The following TMPPE variants were observed in gnomAD, a reference collection of about 807,000 sequenced individuals.
The protein encoded by TMPPE is transmembrane protein with metallophosphoesterase domain.
Under a neutral mutation model 22.6 loss-of-function variants are expected in TMPPE, and 16 were observed. The ratio of observed to expected loss-of-function variants is 0.71; its 90% CI spans 0.48 to 1.08. The LOEUF is 1.08. Among genes scored for constraint, TMPPE ranks in the 50% least tolerant of loss-of-function variants. The probability of loss-of-function intolerance (pLI) is 0.00; values close to 1 mark genes in which losing one functional copy is unlikely to be tolerated. For missense variants in TMPPE, 526 were observed against 584.3 expected (o/e 0.90, Z 1.03); for synonymous variants, 240 against 245.3 (o/e 0.98, Z 0.20).
At position 33,091,750 on chromosome 3, in the gene TMPPE, G is replaced by T. The variant is rs1412829812; in HGVS notation, c.*1084C>A. 1.0e-6 allele frequency: 1 copy of T among 985,304 alleles called. No homozygotes were observed. Among genetic ancestry groups the T allele is most frequent in the African/African-American group, 1.7e-5 (1 of 57,204 alleles). 61.0% of individuals were successfully genotyped at this position (985,304 alleles called of 1,614,324 possible). ...AGCAGGGTTAGCCTCTCCAGTCAGA[G>T]CGAGTGTCTTCACTCCCCATTGGAG... On this transcript the variant is annotated 3_prime_UTR_variant, in exon 2 of 2. Transcript: ENST00000342462.
rs781534268 is a variant in TMPPE, at chr3:33,093,633, G to A, written c.563C>T (p.Pro188Leu). The change falls in exon 2 of 2, where the codon CCG (proline) becomes CTG (leucine). Residue 188 changes from proline (P) to leucine (L), a missense_variant. Physicochemically the swap from Pro to Leu is moderately conservative, Grantham distance 98 (BLOSUM62 -3). Coordinates refer to ENST00000342462, the MANE Select transcript of TMPPE (RefSeq NM_001039770.3). The surrounding 1 kb of genome is among the most constrained non-coding windows in gnomAD (Gnocchi z 6.0). ...GGGCACCTCCACAGTTTTCACAGCCGGGGGCTGCGCGGCATTCAGAATCCC... is the reference window on the plus strand; with the variant it reads ...GGGCACCTCCACAGTTTTCACAGCCAGGGGCTGCGCGGCATTCAGAATCCC... ...VAGILNAAQP[P>L]AVKTVEVPIH... 1.4e-5 allele frequency: 22 copies of A among 1,613,986 alleles called. No homozygotes were observed. Among genetic ancestry groups the A allele is most frequent in the South Asian group, 2.2e-5 (2 of 91,080 alleles).
In TMPPE at chr3:33,096,905, C is replaced by G; in HGVS notation, c.-295G>C. ...GCCTGCTGGGGGGCACTTCGGGGCT[C>G]AGGCTCCCCGCCCTGCGGGACCGCG... is the stretch of plus-strand genomic sequence containing the variant. On this transcript the variant is annotated 5_prime_UTR_variant, in exon 1 of 2. Coordinates refer to ENST00000342462, the MANE Select transcript of TMPPE (RefSeq NM_001039770.3). The G allele has an allele frequency of 1.3e-6, 2 of 1,515,396 alleles. No homozygotes were observed. The highest frequency in any genetic ancestry group is 1.8e-6 in the Non-Finnish European group (2 of 1,130,362). The allele number at this position is 1,515,396 out of a possible 1,614,324, so 93.9% of individuals were successfully genotyped here. A position where few individuals can be genotyped will look rare whatever the true frequency, so the allele number is the denominator to read the frequency against.
At chr3:33,094,896 ATTTCTTAACAAATAG>A (rs1700943403) in intron 1 of TMPPE, among the ~76,000 whole-genome samples, 1 of 152,238 alleles carries the variant, frequency 6.6e-6, no homozygotes, top group African/African-American at 2.4e-5. Flanking sequence ...ATGATGTAGT[ATTTCTTAACAAATAG>A]TTTAAAATAT....
chr3:33,096,573 G>C, intron 1 of TMPPE, 146 bp downstream of exon 1: 1 of 1,029,068 alleles, frequency 9.7e-7, no homozygotes, highest in Non-Finnish European at 1.2e-6. Flanking sequence ...GGCCTCTCCT[G>C]ACCCCATTTT....
At position 33,094,003 on chromosome 3, in the gene TMPPE, G is replaced by A. The variant is rs761290773; in HGVS notation, c.193C>T (p.Arg65Cys). Residue 65 changes from arginine to cysteine, a missense_variant, in exon 2 of 2, where the codon CGC (arginine) becomes TGC (cysteine). Transcript: ENST00000342462. ...LLLIGSLYIWRSTVSNLCHSP... is the reference protein window; with the variant it reads ...LLLIGSLYIWCSTVSNLCHSP... ...TGGCAGAGGTTGCTCACTGTGCTGCGCCAAATGTAGAGGGAGCCAATGAGC... is the reference window on the plus strand; with the variant it reads ...TGGCAGAGGTTGCTCACTGTGCTGCACCAAATGTAGAGGGAGCCAATGAGC... 3.7e-6 allele frequency: 6 copies of A among 1,614,126 alleles called. No homozygotes were observed. The highest frequency in any genetic ancestry group is 4.5e-5 in the East Asian group (2 of 44,880).
chr3:33,094,815 AACTC>A (rs1700936744), intron 1 of TMPPE, among the ~76,000 whole-genome samples: 1 of 152,244 alleles, frequency 6.6e-6, no homozygotes. Flanking sequence ...AAAACAGTGC[AACTC>A]TTCACCCTAA....
chr3:33,092,206 G>C lies in TMPPE; in HGVS notation c.*628C>G, dbSNP rs1457264326. The C allele has an allele frequency of 5.1e-6, 5 of 985,668 alleles. No individual in the cohort carries two copies. The highest frequency in any genetic ancestry group is 1.2e-4 in the Admixed American group (2 of 16,264). The allele number at this position is 985,668 out of a possible 1,614,324, so 61.1% of individuals were successfully genotyped here. ...GCCCAGGAGCACAGACAGTTAAATA[G>C]CATCCCTCAAGGCCTGGAACAGGAG... is the stretch of plus-strand genomic sequence containing the variant. On this transcript the variant is annotated 3_prime_UTR_variant, in exon 2 of 2. Transcript: ENST00000342462.
In TMPPE at chr3:33,096,907, G is replaced by A; in HGVS notation, c.-297C>T. ...CTGCTGGGGGGCACTTCGGGGCTCAGGCTCCCCGCCCTGCGGGACCGCGGG... is the reference window on the plus strand; with the variant it reads ...CTGCTGGGGGGCACTTCGGGGCTCAAGCTCCCCGCCCTGCGGGACCGCGGG... On this transcript the variant is annotated 5_prime_UTR_variant, in exon 1 of 2. Coordinates refer to ENST00000342462, the MANE Select transcript of TMPPE (RefSeq NM_001039770.3). The A allele has an allele frequency of 6.6e-7, 1 of 1,518,976 alleles. No individual in the cohort carries two copies. Among genetic ancestry groups the A allele is most frequent in the East Asian group, 2.7e-5 (1 of 37,124 alleles). The allele number at this position is 1,518,976 out of a possible 1,614,324, so 94.1% of individuals were successfully genotyped here. A position where few individuals can be genotyped will look rare whatever the true frequency, so the allele number is the denominator to read the frequency against.
intron 1 of TMPPE, among the ~76,000 whole-genome samples, chr3:33,095,155 G>C (rs1700959904): frequency 7.6e-6 from 1 of 131,296 alleles, no homozygotes. Context: ...AAGTTGTAGT[G>C]AGCCAAGATC....
chr3:33,091,399 G>A lies in TMPPE; in HGVS notation c.*1435C>T. The A allele has an allele frequency of 4.1e-6, 4 of 985,508 alleles. No homozygotes were observed. The highest frequency in any genetic ancestry group is 4.8e-6 in the Non-Finnish European group (4 of 830,008). The allele number at this position is 985,508 out of a possible 1,614,324, so 61.0% of individuals were successfully genotyped here. A position where few individuals can be genotyped will look rare whatever the true frequency, so the allele number is the denominator to read the frequency against. On this transcript the variant is annotated 3_prime_UTR_variant, in exon 2 of 2. Coordinates refer to ENST00000342462, the MANE Select transcript of TMPPE (RefSeq NM_001039770.3). ...ATGAGGGAAGGAAGGCAAACCCCTA[G>A]CAGTTGCTGCTTTGACACATCACCT...
At position 33,093,694 on chromosome 3, in the gene TMPPE, G is replaced by C. The variant is rs370221399; in HGVS notation, c.502C>G (p.Leu168Val). The change falls in exon 2 of 2, where the codon CTG becomes GTG. Residue 168 changes from leucine (L) to valine (V), a missense_variant. Transcript: ENST00000342462. This position sits in a 1 kb window ranked among gnomAD's most constrained non-coding sequence, Gnocchi z 6.0. Reference protein sequence around the residue: ...KTRKLVLRPALAVGVTAVLSV... With the variant: ...KTRKLVLRPAVAVGVTAVLSV... ...AGCACAGCAGTCACTCCCACTGCCA[G>C]GGCAGGCCTGAGCACGAGCTTCCTT... 10 of 1,614,072 alleles carry C rather than the reference G, an allele frequency of 6.2e-6. No individual in the cohort carries two copies. The African/African-American group carries it at 1.3e-4, about 22-fold the overall frequency.
At position 33,096,922 on chromosome 3, in the gene TMPPE, G is replaced by A. The variant is rs940894442; in HGVS notation, c.-312C>T. The A allele has an allele frequency of 3.9e-4, 597 of 1,540,202 alleles. 1 individual carries two copies. The highest frequency in any genetic ancestry group is 4.7e-4 in the Non-Finnish European group (542 of 1,143,836). ...TCGGGGCTCAGGCTCCCCGCCCTGC[G>A]GGACCGCGGGTGGCTGCGACCCCAG... On this transcript the variant is annotated 5_prime_UTR_variant, in exon 1 of 2. Coordinates refer to ENST00000342462, the MANE Select transcript of TMPPE (RefSeq NM_001039770.3).
In TMPPE at chr3:33,097,048, A is replaced by G. The variant is rs370546727; in HGVS notation, c.-438T>C. ...CGTAGGGCCCAGAAGCAGCAGAACCAGCAACAGAGGGAGGATGCGAACCAG... is the reference window on the plus strand; with the variant it reads ...CGTAGGGCCCAGAAGCAGCAGAACCGGCAACAGAGGGAGGATGCGAACCAG... On this transcript the variant is annotated 5_prime_UTR_variant, in exon 1 of 2. Transcript: ENST00000342462. 1.9e-6 allele frequency: 3 copies of G among 1,612,034 alleles called. No homozygotes were observed. The highest frequency in any genetic ancestry group is 2.2e-5 in the South Asian group (2 of 90,890).
chr3:33,093,194 C>T lies in TMPPE; in HGVS notation c.1002G>A (p.Val334=). The change falls in exon 2 of 2, where the codon GTG becomes GTA. Residue 334 remains valine, a synonymous_variant. Transcript: ENST00000342462. This position sits in a 1 kb window ranked among gnomAD's most constrained non-coding sequence, Gnocchi z 6.0. ...GCAGGATGTCTGCTTCAATATCGTC[C>T]ACCCCAGCCAAGCAGATCCAGTCCT... ...EDEDWICLAG[V]DDIEADILHY... 1 of 1,613,974 alleles carries T rather than the reference C, an allele frequency of 6.2e-7. No individual in the cohort carries two copies. Among genetic ancestry groups the T allele is most frequent in the Non-Finnish European group, 8.5e-7 (1 of 1,179,964 alleles).
At chr3:33,094,516 G>A (rs1056111056) in intron 1 of TMPPE, among the ~76,000 whole-genome samples, 2 of 152,162 alleles carry the variant, frequency 1.3e-5, no homozygotes, top group Non-Finnish European at 2.9e-5. Context: ...TGTTCTATAC[G>A]TTTAAAGTTT....
chr3:33,092,339 C>A lies in TMPPE; in HGVS notation c.*495G>T. Reference sequence around the variant, plus strand: ...TCTAGCAGCCAGAGGGCCCTTCCATCTTGCCTGTTCTCCCAAATTACCTGG... The same window carrying A: ...TCTAGCAGCCAGAGGGCCCTTCCATATTGCCTGTTCTCCCAAATTACCTGG... On this transcript the variant is annotated 3_prime_UTR_variant, in exon 2 of 2. Coordinates refer to ENST00000342462, the MANE Select transcript of TMPPE (RefSeq NM_001039770.3). 1.0e-6 allele frequency: 1 copy of A among 987,612 alleles called. No individual in the cohort carries two copies. The highest frequency in any genetic ancestry group is 1.2e-6 in the Non-Finnish European group (1 of 831,426). The allele number at this position is 987,612 out of a possible 1,614,324, so 61.2% of individuals were successfully genotyped here.
In TMPPE at chr3:33,093,913, G is replaced by C; in HGVS notation, c.283C>G (p.Leu95Val). The change falls in exon 2 of 2, where the codon CTG becomes GTG. Residue 95 changes from leucine to valine, a missense_variant. Leu to Val is a conservative substitution (Grantham distance 32). Transcript: ENST00000342462. The surrounding 1 kb of genome is among the most constrained non-coding windows in gnomAD (Gnocchi z 6.0). ...WKVVVLAFLALAHSSFFTMFF... is the reference protein window; with the variant it reads ...WKVVVLAFLAVAHSSFFTMFF... ...ATGGTAAAGAAACTGGAATGGGCCA[G>C]GGCCAGAAATGCCAGAACCACCACC... 6.2e-7 allele frequency: 1 copy of C among 1,614,080 alleles called. No homozygotes were observed. Among genetic ancestry groups the C allele is most frequent in the Non-Finnish European group, 8.5e-7 (1 of 1,180,014 alleles).
Position 33,093,539 on chromosome 3 carries a change from G to A in TMPPE, c.657C>T (p.Pro219=). Residue 219 remains proline, a synonymous_variant, in exon 2 of 2, where the codon CCC becomes CCT. Transcript: ENST00000342462. This position sits in a 1 kb window ranked among gnomAD's most constrained non-coding sequence, Gnocchi z 6.0. ...IVLLSDIHLG[P]TVGRTKMEMF... is the part of the protein sequence containing the mutation. ...TTTCCATCTTGGTCCTGCCCACTGT[G>A]GGGCCCAAGTGAATGTCTGAGAGGA... 12 of 1,614,192 alleles carry A rather than the reference G, an allele frequency of 7.4e-6. No individual in the cohort carries two copies. The highest frequency in any genetic ancestry group is 1.0e-5 in the Non-Finnish European group (12 of 1,180,036).
In TMPPE at chr3:33,091,815, A is replaced by ACCAGC; in HGVS notation, c.*1014_*1018dup. The stretch of plus-strand genomic sequence containing the variant: ...ACAAGCCTAAATCACCCAGCAGGAA[A>ACCAGC]CCAGCCCAGCCCTGTCTTCTCAGTG... On this transcript the variant is annotated 3_prime_UTR_variant, in exon 2 of 2. Coordinates refer to ENST00000342462, the MANE Select transcript of TMPPE (RefSeq NM_001039770.3). 4 of 985,400 alleles carry ACCAGC rather than the reference A, an allele frequency of 4.1e-6. No individual in the cohort carries two copies. Among genetic ancestry groups the ACCAGC allele is most frequent in the Non-Finnish European group, 4.8e-6 (4 of 829,992 alleles). The allele number at this position is 985,400 out of a possible 1,614,324, so 61.0% of individuals were successfully genotyped here. A position where few individuals can be genotyped will look rare whatever the true frequency, so the allele number is the denominator to read the frequency against.
Sources: allele counts gnomAD v4.1 joint callset (sites outside exome capture counted in the v4.1 genomes callset), GRCh38; gene constraint gnomAD v4.1.1; non-coding constraint Gnocchi (gnomAD v3.1); transcripts MANE v1.5; gene names NCBI Gene and HGNC (gene_info 2026-07-23, HGNC 2026-07-21).